The following APOBEC3G variants were observed in gnomAD, a reference collection of about 807,000 sequenced individuals.
The protein encoded by APOBEC3G is DNA dC->dU-editing enzyme APOBEC-3G.
In APOBEC3G, 44 loss-of-function variants were observed where a neutral mutation model predicts 50.0. The ratio of observed to expected loss-of-function variants is 0.88; its 90% CI spans 0.69 to 1.13. The LOEUF (loss-of-function observed/expected upper bound fraction) is 1.13, where lower values mean the gene tolerates loss of function less well. APOBEC3G is among the 50% of genes most tolerant of loss of function. The pLI is 0.00. For synonymous variants in APOBEC3G, 156 were observed against 175.3 expected, an observed-to-expected ratio of 0.89 and a Z score of 0.87; for missense variants, 469 against 492.0, an observed-to-expected ratio of 0.95 and a Z score of 0.44.
At chr22:39,080,773 G>T (rs1928401653) in intron 2 of APOBEC3G, 160 bp from the exon 3 acceptor site, 2 of 674,370 alleles carry the variant, frequency 3.0e-6, no homozygotes, top group Non-Finnish European at 5.0e-6. Context: ...CATGAGCTTT[G>T]GAGCAGACAA....
intron 5 of APOBEC3G, among the ~76,000 whole-genome samples, chr22:39,085,844 G>A (rs938604196): frequency 3.3e-5 from 5 of 152,070 alleles, no homozygotes; most frequent in Non-Finnish European, 7.4e-5. Context: ...CCAAGATGGC[G>A]CCACTGCACT....
At position 39,080,835 on chromosome 22, in the gene APOBEC3G, T is replaced by C. The variant is rs931258690; in HGVS notation, c.172-98T>C. The C allele has an allele frequency of 4.6e-5, 51 of 1,120,272 alleles. No homozygotes were observed. In the Middle Eastern group the frequency reaches 9.0e-4, roughly 20 times the overall value. The allele number at this position is 1,120,272 out of a possible 1,614,324, so 69.4% of individuals were successfully genotyped here. A position where few individuals can be genotyped will look rare whatever the true frequency, so the allele number is the denominator to read the frequency against. ...GGAAAGGAGCTTCAATGGCAAGATC[T>C]CCTGGACTCCTGTCCTGGCCCCTCC... On this transcript the variant is annotated intron_variant, in intron 2 of 7. Transcript: ENST00000407997.
rs1364764984 is a variant in APOBEC3G, at chr22:39,081,538, G to A, written c.534G>A (p.Leu178=). 1.2e-6 allele frequency: 2 copies of A among 1,614,034 alleles called. No homozygotes were observed. Among genetic ancestry groups the A allele is most frequent in the Admixed American group, 3.3e-5 (2 of 60,000 alleles). ...QRELFEPWNN[L]PKYYILLHIM... ...AGCTATTTGAGCCTTGGAATAATCTGCCTAAATATTATATATTACTGCACA... is the reference window on the plus strand; with the variant it reads ...AGCTATTTGAGCCTTGGAATAATCTACCTAAATATTATATATTACTGCACA... Residue 178 remains leucine, a synonymous_variant, in exon 4 of 8, where the codon CTG becomes CTA. Transcript: ENST00000407997.
At chr22:39,084,158 G>A (rs34242740) in intron 5 of APOBEC3G, among the ~76,000 whole-genome samples, 12,155 of 152,120 alleles carry the variant, frequency 0.08, 1,652 homozygotes, top group African/African-American at 0.28. Flanking sequence ...GGTCTCAGCC[G>A]TCCCCACTCC....
In APOBEC3G at chr22:39,087,617, A is replaced by C; in HGVS notation, c.*196A>C. On this transcript the variant is annotated 3_prime_UTR_variant, in exon 8 of 8. Transcript: ENST00000407997. Reference sequence around the variant, plus strand: ...ATTACTTTGAATCAAAAATTTATTTATATTTCAAGAATAAAGTACTAAGAT... The same window carrying C: ...ATTACTTTGAATCAAAAATTTATTTCTATTTCAAGAATAAAGTACTAAGAT... The C allele has an allele frequency of 9.1e-7, 1 of 1,102,740 alleles. No individual in the cohort carries two copies. The highest frequency in any genetic ancestry group is 1.7e-5 in the South Asian group (1 of 59,410). 68.3% of individuals were successfully genotyped at this position (1,102,740 alleles called of 1,614,324 possible).
chr22:39,081,065 A>G lies in APOBEC3G; in HGVS notation c.304A>G (p.Arg102Gly), dbSNP rs1440349380. The G allele has an allele frequency of 2.5e-6, 4 of 1,614,198 alleles. No individual in the cohort carries two copies. In the East Asian group the frequency reaches 6.7e-5, roughly 27 times the overall value. ...ISWSPCTKCT[R>G]DMATFLAEDP... Reference sequence around the variant, plus strand: ...CTGGAGCCCCTGCACAAAGTGTACAAGGGATATGGCCACGTTCCTGGCCGA... The same window carrying G: ...CTGGAGCCCCTGCACAAAGTGTACAGGGGATATGGCCACGTTCCTGGCCGA... Residue 102 changes from arginine (R) to glycine (G), a missense_variant, in exon 3 of 8, where the codon AGG becomes GGG. By Grantham distance (125) the Arg-to-Gly change is moderately radical. Transcript: ENST00000407997.
At position 39,081,803 on chromosome 22, in the gene APOBEC3G, G is replaced by T. The variant is rs557078356; in HGVS notation, c.581+218G>T. The T allele has an allele frequency of 3.4e-5, 17 of 503,890 alleles. No homozygotes were observed. In the South Asian group the frequency reaches 4.0e-4, roughly 12 times the overall value. The allele number at this position is 503,890 out of a possible 1,614,324, so 31.2% of individuals were successfully genotyped here. On this transcript the variant is annotated intron_variant, in intron 4 of 7. Transcript: ENST00000407997. ...ACCTGCTTTCCTGGGCCCTTCCTGT[G>T]AGTGAGAGGCCCCTTCTGCCTCCAG...
intron 2 of APOBEC3G, chr22:39,080,573 T>C (rs938103063): frequency 2.0e-5 from 5 of 248,316 alleles, no homozygotes; most frequent in Admixed American, 5.0e-5. Flanking sequence ...CTCCGTGACA[T>C]GGGGGCAAGA....
chr22:39,079,315 C>CT, intron 2 of APOBEC3G: 1 of 543,618 alleles, frequency 1.8e-6, no homozygotes, highest in Non-Finnish European at 3.0e-6. Context: ...CTTTTCTTTT[C>CT]TTTTTTCTTT....
Position 39,087,554 on chromosome 22 carries a change from A to C in APOBEC3G, c.*133A>C, listed in dbSNP as rs1217518652. On this transcript the variant is annotated 3_prime_UTR_variant, in exon 8 of 8. Transcript: ENST00000407997. ...ATCACAGACACCAGCAAAGCAATGC[A>C]CTCCTGACCAAGTAGATTCTTTTAA... is the stretch of plus-strand genomic sequence containing the variant. 1 of 1,514,892 alleles carries C rather than the reference A, an allele frequency of 6.6e-7. No individual in the cohort carries two copies. The highest frequency in any genetic ancestry group is 9.0e-7 in the Non-Finnish European group (1 of 1,108,004). The allele number at this position is 1,514,892 out of a possible 1,614,324, so 93.8% of individuals were successfully genotyped here.
intron 2 of APOBEC3G, 49 bp from the exon 3 acceptor site, chr22:39,080,884 C>CAAAA: frequency 2.4e-6 from 3 of 1,233,354 alleles, no homozygotes; most frequent in Admixed American, 2.0e-5. Context: ...CCCCTGCTCT[C>CAAAA]CTCCTGCTCC....
Position 39,081,168 on chromosome 22 carries a change from G to T in APOBEC3G, c.407G>T (p.Arg136Leu), listed in dbSNP as rs151002479. The T allele has an allele frequency of 1.3e-4, 204 of 1,614,208 alleles. 2 individuals carry two copies. The highest frequency in any genetic ancestry group is 8.2e-4 in the Middle Eastern group (5 of 6,062). ...FWDPDYQEAL[R>L]SLCQKRDGPR... ...GACCCAGATTACCAGGAGGCGCTTC[G>T]CAGCCTGTGTCAGAAAAGAGACGGT... Residue 136 changes from arginine to leucine, a missense_variant, in exon 3 of 8, where the codon CGC becomes CTC. Coordinates refer to ENST00000407997, the MANE Select transcript of APOBEC3G (RefSeq NM_021822.4).
intron 3 of APOBEC3G, 29 bp downstream of exon 3, chr22:39,081,256 G>A (rs1928440261): frequency 6.2e-7 from 1 of 1,607,628 alleles, no homozygotes; most frequent in Non-Finnish European, 8.5e-7. Flanking sequence ...AGGGGTGTGG[G>A]AGAGACTGCT....
chr22:39,078,676 A>G (rs1459321103), intron 1 of APOBEC3G: 1 of 469,776 alleles, frequency 2.1e-6, no homozygotes, highest in Non-Finnish European at 3.8e-6. Context: ...AAAGGTTAAA[A>G]GCTGTTATTT....
chr22:39,079,016 G>C lies in APOBEC3G; in HGVS notation c.102G>C (p.Trp34Cys). 4 of 1,614,186 alleles carry C rather than the reference G, an allele frequency of 2.5e-6. No individual in the cohort carries two copies. The highest frequency in any genetic ancestry group is 3.4e-6 in the Non-Finnish European group (4 of 1,180,028). Residue 34 changes from tryptophan (W) to cysteine (C), a missense_variant, in exon 2 of 8, where the codon TGG becomes TGC. Coordinates refer to ENST00000407997, the MANE Select transcript of APOBEC3G (RefSeq NM_021822.4). ...TCCTTTCTCGTCGGAATACCGTCTG[G>C]CTGTGCTACGAAGTGAAAACAAAGG... ...RPILSRRNTV[W>C]LCYEVKTKGP...
At chr22:39,079,286 G>A (rs1937760689) in intron 2 of APOBEC3G, 1 of 661,184 alleles carries the variant, frequency 1.5e-6, no homozygotes, top group East Asian at 3.2e-5. Context: ...TGCACAAAAG[G>A]CCTTGTGTTT....
Position 39,086,268 on chromosome 22 carries a change from T to C in APOBEC3G, c.736-11T>C, listed in dbSNP as rs767122563. On this transcript the variant is annotated splice_polypyrimidine_tract_variant and intron_variant, in intron 5 of 7. Transcript: ENST00000407997. ...AAAAAAGATTACCTCATGGCTTGCTTTCTTTTCTAGGCTCCACATAAACAC... is the reference window on the plus strand; with the variant it reads ...AAAAAAGATTACCTCATGGCTTGCTCTCTTTTCTAGGCTCCACATAAACAC... The C allele has an allele frequency of 1.9e-6, 3 of 1,553,970 alleles. No homozygotes were observed. Among genetic ancestry groups the C allele is most frequent in the Non-Finnish European group, 1.7e-6 (2 of 1,152,072 alleles).
chr22:39,084,961 C>T (rs1381989107), intron 5 of APOBEC3G, among the ~76,000 whole-genome samples: 1 of 152,214 alleles, frequency 6.6e-6, no homozygotes, highest in Non-Finnish European at 1.5e-5. Context: ...AATATGGGCC[C>T]TGCTGGGCCC....
At chr22:39,080,628 A>G in intron 2 of APOBEC3G, 1 of 375,600 alleles carries the variant, frequency 2.7e-6, no homozygotes, top group Non-Finnish European at 4.9e-6. Flanking sequence ...CTAGAGGGCA[A>G]GAGACAGAAA....
Sources: allele counts gnomAD v4.1 joint callset (sites outside exome capture counted in the v4.1 genomes callset), GRCh38; gene constraint gnomAD v4.1.1; transcripts MANE v1.5; gene names NCBI Gene and HGNC (gene_info 2026-07-23, HGNC 2026-07-21).